The following C6 variants were observed in gnomAD, a reference collection of about 807,000 sequenced individuals.
The protein encoded by C6 is complement component C6.
A neutral mutation model predicts 112.9 loss-of-function variants in C6; 101 were observed. That is an observed-to-expected ratio of 0.89 (90% CI 0.76 to 1.06). C6 has a LOEUF of 1.06. Ranked by LOEUF, C6 falls within the 50% of genes least tolerant of loss-of-function variation. The probability of loss-of-function intolerance (pLI) is 0.00; values close to 1 mark genes in which losing one functional copy is unlikely to be tolerated. For synonymous variants in C6, 431 were observed against 384.1 expected (o/e 1.12, Z -1.43); for missense variants, 1,202 against 1,104.6 (o/e 1.09, Z -1.25).
upstream of C6, among the ~76,000 whole-genome samples, chr5:41,218,162 G>A (rs1561183985): frequency 6.6e-6 from 1 of 152,100 alleles, no homozygotes; most frequent in African/African-American, 2.4e-5. Context: ...CATAGTAATA[G>A]TAGTTGGATA....
intron 1 of C6, among the ~76,000 whole-genome samples, chr5:41,233,619 G>C (rs1740044204): frequency 6.6e-6 from 1 of 152,062 alleles, no homozygotes; most frequent in Non-Finnish European, 1.5e-5. Flanking sequence ...ACTTTGGAAG[G>C]AGGCAGACAC....
chr5:41,196,066 T>A, intron 4 of C6, 133 bp from the exon 5 acceptor site: 2 of 1,005,896 alleles, frequency 2.0e-6, no homozygotes, highest in Non-Finnish European at 3.0e-6. Context: ...GATAGAGTTT[T>A]AGGGAGCACA....
At chr5:41,174,298 C>T (rs1748666046) in intron 8 of C6, among the ~76,000 whole-genome samples, 2 of 152,164 alleles carry the variant, frequency 1.3e-5, no homozygotes, top group South Asian at 2.1e-4. Context: ...CTACTTGATA[C>T]TGCAGTACCT....
upstream of C6, among the ~76,000 whole-genome samples, chr5:41,214,252 C>T (rs761449107): frequency 2.6e-5 from 4 of 152,188 alleles, no homozygotes; most frequent in Non-Finnish European, 5.9e-5. Context: ...ACTGGTCCCT[C>T]ATTTGTAAAA....
chr5:41,174,984 G>A lies in C6; in HGVS notation c.1168+1491C>T, dbSNP rs536958396. The stretch of plus-strand genomic sequence containing the variant: ...TTTTAACAACAATTAAAATTTTACA[G>A]ATAAATTATTCCATATAAACTTATT... On this transcript the variant is annotated intron_variant, in intron 8 of 17. Transcript: ENST00000337836. Among the ~76,000 whole-genome samples, 6 of 152,298 alleles carry A rather than the reference G, an allele frequency of 3.9e-5. No individual in the cohort carries two copies. In the South Asian group the frequency reaches 1.2e-3, roughly 32 times the overall value.
intron 1 of C6, 84 bp from the exon 2 acceptor site, chr5:41,203,334 G>A (rs1751183419): frequency 1.4e-6 from 2 of 1,422,736 alleles, no homozygotes; most frequent in African/African-American, 1.4e-5. Context: ...AGATTCAAAT[G>A]TGATTTTAGA....
rs781406951 is a variant in C6 at position 41,181,471 on chromosome 5, G to A, written c.815C>T (p.Ser272Leu). 1.1e-5 allele frequency: 17 copies of A among 1,613,784 alleles called. No homozygotes were observed. The highest frequency in any genetic ancestry group is 1.4e-5 in the Non-Finnish European group (17 of 1,179,804). Reference protein sequence around the residue: ...GHNENQQGSFSSQGGSSFSVP... With the variant: ...GHNENQQGSFLSQGGSSFSVP... ...ACTGAAAGAGCTCCCCCCCTGACTTGAGAATGAGCCTTGTTGATTTTCATT... is the reference window on the plus strand; with the variant it reads ...ACTGAAAGAGCTCCCCCCCTGACTTAAGAATGAGCCTTGTTGATTTTCATT... Residue 272 changes from serine to leucine, a missense_variant, in exon 7 of 18, where the codon TCA becomes TTA. Coordinates refer to ENST00000337836, the MANE Select transcript of C6 (RefSeq NM_000065.5).
chr5:41,254,582 A>T (rs1332097491), intron 1 of C6, among the ~76,000 whole-genome samples: 1 of 152,214 alleles, frequency 6.6e-6, no homozygotes, highest in Non-Finnish European at 1.5e-5. Context: ...GAGTGAAGAG[A>T]ACCTTGATAA....
At chr5:41,253,389 C>T (rs1262706371) in intron 1 of C6, among the ~76,000 whole-genome samples, 1 of 152,170 alleles carries the variant, frequency 6.6e-6, no homozygotes, top group Non-Finnish European at 1.5e-5. Context: ...ATAAATCTCT[C>T]TCTGTGTAGC....
intron 1 of C6, among the ~76,000 whole-genome samples, chr5:41,209,603 A>T (rs1433471387): frequency 2.0e-5 from 3 of 152,128 alleles, no homozygotes; most frequent in Non-Finnish European, 4.4e-5. Flanking sequence ...ATCATGGTAA[A>T]CTCCCATTCA....
intron 1 of C6, among the ~76,000 whole-genome samples, chr5:41,247,910 A>G (rs1358134486): frequency 6.6e-6 from 1 of 152,160 alleles, no homozygotes; most frequent in Non-Finnish European, 1.5e-5. Flanking sequence ...TGGAGGTATT[A>G]TATTACCCAA....
intron 8 of C6, among the ~76,000 whole-genome samples, chr5:41,174,157 T>C (rs1580111780): frequency 6.6e-6 from 1 of 152,212 alleles, no homozygotes; most frequent in Non-Finnish European, 1.5e-5. Flanking sequence ...ATGATGAATA[T>C]TTTTTATGAC....
rs377723315 is a variant in C6, at chr5:41,220,430, C to G, written c.-20-17180G>C. 4.0e-4 allele frequency among the ~76,000 whole-genome samples: 61 copies of G among 152,274 alleles called. 2 individuals carry two copies. In the South Asian group the frequency reaches 5.0e-3, roughly 12 times the overall value. ...TTACCTTGTTCTTTATTTTAATCTTCCAGTATTCCCTAGCTCCCTCAAACC... is the reference window on the plus strand; with the variant it reads ...TTACCTTGTTCTTTATTTTAATCTTGCAGTATTCCCTAGCTCCCTCAAACC... On this transcript the variant is annotated intron_variant, in intron 1 of 17. Transcript: ENST00000263413.
chr5:41,207,910 A>G (rs955725778), intron 1 of C6, among the ~76,000 whole-genome samples: 1 of 152,176 alleles, frequency 6.6e-6, no homozygotes, highest in African/African-American at 2.4e-5. Flanking sequence ...TCCACCCCAA[A>G]TCAACAGAAT....
chr5:41,229,310 A>T (rs1580229588), intron 1 of C6, among the ~76,000 whole-genome samples: 1 of 145,084 alleles, frequency 6.9e-6, no homozygotes, highest in African/African-American at 2.5e-5. Context: ...GTAGGTGTTT[A>T]TCTCTATAAA....
At chr5:41,156,468 T>C (rs1746924132) in intron 13 of C6, among the ~76,000 whole-genome samples, 1 of 152,194 alleles carries the variant, frequency 6.6e-6, no homozygotes, top group Non-Finnish European at 1.5e-5. Context: ...CAGGCCTTAA[T>C]TCTTTGCTGA....
chr5:41,181,451 A>C lies in C6; in HGVS notation c.835T>G (p.Phe279Val), dbSNP rs1397471718. ...GAGGAATAAAAAATTGGTACACTGAAAGAGCTCCCCCCCTGACTTGAGAAT... is the reference window on the plus strand; with the variant it reads ...GAGGAATAAAAAATTGGTACACTGACAGAGCTCCCCCCCTGACTTGAGAAT... ...GSFSSQGGSSFSVPIFYSSKR... is the reference protein window; with the variant it reads ...GSFSSQGGSSVSVPIFYSSKR... Residue 279 changes from phenylalanine to valine, a missense_variant, in exon 7 of 18, where the codon TTC becomes GTC. Physicochemically the swap from Phe to Val is conservative, Grantham distance 50. Transcript: ENST00000337836. The C allele has an allele frequency of 3.1e-6, 5 of 1,613,818 alleles. No homozygotes were observed. Among genetic ancestry groups the C allele is most frequent in the Non-Finnish European group, 4.2e-6 (5 of 1,179,826 alleles).
intron 16 of C6, 95 bp downstream of exon 16, chr5:41,149,840 T>C (rs774383616): frequency 3.5e-5 from 29 of 840,086 alleles, no homozygotes; most frequent in African/African-American, 3.2e-4. Context: ...ATTTATTTCA[T>C]GTCTGTGCTT....
chr5:41,213,812 G>C (rs1752085000), upstream of C6, among the ~76,000 whole-genome samples: 1 of 152,056 alleles, frequency 6.6e-6, no homozygotes, highest in Admixed American at 6.6e-5. Flanking sequence ...AATAGTTATT[G>C]GTAACTATTT....
Sources: allele counts gnomAD v4.1 joint callset (sites outside exome capture counted in the v4.1 genomes callset), GRCh38; gene constraint gnomAD v4.1.1; transcripts MANE v1.5; gene names NCBI Gene and HGNC (gene_info 2026-07-23, HGNC 2026-07-21).